RAB3GAP2: variants seen among roughly 807,000 people sequenced by gnomAD.
RAB3GAP2 encodes the protein rab3 GTPase-activating protein non-catalytic subunit.
Under a neutral mutation model 185.3 loss-of-function variants are expected in RAB3GAP2, and 87 were observed. The ratio of observed to expected loss-of-function variants is 0.47; its 90% confidence interval spans 0.39 to 0.56. RAB3GAP2 has a LOEUF of 0.56. Among genes scored for constraint, RAB3GAP2 ranks in the 20% least tolerant of loss-of-function variants. The pLI is 0.00. For synonymous variants in RAB3GAP2, 554 were observed against 576.1 expected, an observed-to-expected ratio of 0.96 and a Z score of 0.55; for missense variants, 1,492 against 1,638.2, an observed-to-expected ratio of 0.91 and a Z score of 1.54.
chr1:220,202,042 G>A (rs1322839725), intron 9 of RAB3GAP2, among the ~76,000 whole-genome samples: 1 of 152,054 alleles, frequency 6.6e-6, no homozygotes, highest in Non-Finnish European at 1.5e-5. Context: ...GCGCATGCTT[G>A]TAATCTCAGC....
At chr1:220,236,585 A>C (rs1659595416) in intron 1 of RAB3GAP2, among the ~76,000 whole-genome samples, 1 of 152,122 alleles carries the variant, frequency 6.6e-6, no homozygotes, top group South Asian at 2.1e-4. Context: ...AGCAATTTTC[A>C]GCTATTAAAA....
chr1:220,214,840 T>C (rs1216837672), intron 2 of RAB3GAP2, among the ~76,000 whole-genome samples: 1 of 150,968 alleles, frequency 6.6e-6, no homozygotes, highest in Non-Finnish European at 1.5e-5. Flanking sequence ...AGCCATCTAG[T>C]TGTTAACTCT....
At chr1:220,209,458 C>T (rs897803299) in intron 7 of RAB3GAP2, among the ~76,000 whole-genome samples, 9 of 152,058 alleles carry the variant, frequency 5.9e-5, no homozygotes, top group Non-Finnish European at 1.0e-4. Flanking sequence ...ATGCAAATCT[C>T]GCCTCATCAA....
intron 28 of RAB3GAP2, among the ~76,000 whole-genome samples, chr1:220,160,818 C>T (rs908694730): frequency 6.6e-6 from 1 of 152,158 alleles, no homozygotes; most frequent in African/African-American, 2.4e-5. Context: ...CAAACACTCC[C>T]TATTGTCTGT....
In RAB3GAP2 at chr1:220,211,966, TTGTC is replaced by T. The variant is rs372283562; in HGVS notation, c.386+917_386+920del. On this transcript the variant is annotated intron_variant, in intron 4 of 34. Coordinates refer to ENST00000358951, the MANE Select transcript of RAB3GAP2 (RefSeq NM_012414.4). ...GCATGTTCTAGGCACTTCCACTTGGTTGTCTTTTATCTGAATTCAAAGTATGAAG... is the reference window on the plus strand; with the variant it reads ...GCATGTTCTAGGCACTTCCACTTGGTTTTTATCTGAATTCAAAGTATGAAG... Among the ~76,000 whole-genome samples, 231 of 152,356 alleles carry T rather than the reference TTGTC, an allele frequency of 1.5e-3. 2 individuals carry two copies. The highest frequency in any genetic ancestry group is 5.5e-3 in the African/African-American group (227 of 41,578).
At chr1:220,233,980 C>T (rs1469373146) in intron 1 of RAB3GAP2, among the ~76,000 whole-genome samples, 1 of 152,208 alleles carries the variant, frequency 6.6e-6, no homozygotes, top group Non-Finnish European at 1.5e-5. Context: ...GGATTACAGG[C>T]GTGGATCACC....
At chr1:220,157,646 A>G (rs143873765) in intron 30 of RAB3GAP2, among the ~76,000 whole-genome samples, 156 bp downstream of exon 30, 215 of 152,390 alleles carry the variant, frequency 1.4e-3, no homozygotes, top group African/African-American at 4.9e-3. Flanking sequence ...TAAGAATTTA[A>G]TAAGAAAACA....
chr1:220,267,952 G>T, intron 1 of RAB3GAP2: 1 of 621,928 alleles, frequency 1.6e-6, no homozygotes, highest in East Asian at 2.7e-5. Context: ...TCTTCCAAGA[G>T]CTCAGCCCAA....
At chr1:220,243,353 CA>C (rs34046394) in intron 1 of RAB3GAP2, among the ~76,000 whole-genome samples, 53,970 of 107,408 alleles carry the variant, frequency 0.5, 11,303 homozygotes, top group African/African-American at 0.66. Context: ...GACTCCATCT[CA>C]AAAAAAAAAA....
At chr1:220,165,411 C>G (rs1000615218) in intron 26 of RAB3GAP2, among the ~76,000 whole-genome samples, 4 of 151,796 alleles carry the variant, frequency 2.6e-5, no homozygotes, top group African/African-American at 9.7e-5. Context: ...TCTTTCTAAT[C>G]AAAGAAGTTT....
intron 1 of RAB3GAP2, among the ~76,000 whole-genome samples, chr1:220,241,447 G>GA (rs1229701117): frequency 6.6e-6 from 1 of 151,862 alleles, no homozygotes; most frequent in Non-Finnish European, 1.5e-5. Context: ...TCTGAGATGA[G>GA]AAAAAAACAG....
At chr1:220,188,835 T>C (rs1658554742) in intron 17 of RAB3GAP2, among the ~76,000 whole-genome samples, 1 of 152,174 alleles carries the variant, frequency 6.6e-6, no homozygotes, top group Admixed American at 6.5e-5. Flanking sequence ...TGAGCAGAAT[T>C]TGTATGGCAT....
At chr1:220,244,003 T>C (rs1476658858) in intron 1 of RAB3GAP2, among the ~76,000 whole-genome samples, 2 of 152,160 alleles carry the variant, frequency 1.3e-5, no homozygotes, top group South Asian at 2.1e-4. Context: ...CCCTGAGAAC[T>C]AGAACAAGGC....
intron 1 of RAB3GAP2, among the ~76,000 whole-genome samples, chr1:220,252,013 A>G (rs952286112): frequency 3.9e-5 from 6 of 152,046 alleles, no homozygotes; most frequent in Non-Finnish European, 7.4e-5. Context: ...GTAGCTGGAC[A>G]TGGTGGCACA....
intron 18 of RAB3GAP2, among the ~76,000 whole-genome samples, chr1:220,185,080 C>T (rs947318139): frequency 6.6e-5 from 10 of 152,088 alleles, no homozygotes; most frequent in Admixed American, 1.3e-4. Flanking sequence ...GTCCACTGCA[C>T]ACAATTTAAC....
Position 220,205,972 on chromosome 1 carries a change from A to G in RAB3GAP2, c.647T>C (p.Ile216Thr). The change falls in exon 8 of 35, where the codon ATT becomes ACT. Residue 216 changes from isoleucine (I) to threonine (T), a missense_variant. Coordinates refer to ENST00000358951, the MANE Select transcript of RAB3GAP2 (RefSeq NM_012414.4). ...EELSILYPAAIVTIDGFSLFQ... is the reference protein window; with the variant it reads ...EELSILYPAATVTIDGFSLFQ... ...AAGGCTAAATCCATCAATAGTCACA[A>G]TGGCAGCTGGATATAAGATACTCAA... 1 of 1,610,844 alleles carries G rather than the reference A, an allele frequency of 6.2e-7. No individual in the cohort carries two copies.
At chr1:220,254,001 T>G (rs897733305) in intron 1 of RAB3GAP2, 4 of 1,613,754 alleles carry the variant, frequency 2.5e-6, no homozygotes, top group Middle Eastern at 1.6e-4. Flanking sequence ...ATCCTACTGT[T>G]GAAAATGAGG....
intron 1 of RAB3GAP2, among the ~76,000 whole-genome samples, chr1:220,249,738 T>C (rs1009558470): frequency 5.3e-5 from 8 of 152,172 alleles, no homozygotes; most frequent in Non-Finnish European, 1.2e-4. Flanking sequence ...TTGTGCAGTC[T>C]TGGGACTTGA....
rs1355564017 is a variant in RAB3GAP2, at chr1:220,195,326, G to A, written c.1012C>T (p.Leu338Phe). The change falls in exon 11 of 35, where the codon CTC becomes TTC. Residue 338 changes from leucine to phenylalanine, a missense_variant. Transcript: ENST00000358951. ...GCAGCATTAAATAAAGCAGAAGTGA[G>A]TTTACTTGCAACTGCTAGTGCAACA... ...SHVALAVASK[L>F]TSALFNAASG... is the part of the protein sequence containing the mutation. The A allele has an allele frequency of 6.2e-7, 1 of 1,612,820 alleles. No homozygotes were observed. The highest frequency in any genetic ancestry group is 1.1e-5 in the South Asian group (1 of 91,048).
Sources: gnomAD v4.1 joint callset for allele counts (sites outside exome capture counted in the v4.1 genomes callset) on GRCh38, gnomAD v4.1.1 for gene constraint, MANE v1.5 for transcripts, NCBI Gene and HGNC (gene_info 2026-07-23, HGNC 2026-07-21) for gene names.